Variants in ZFR2 observed in about 807,000 individuals in gnomAD.
ZFR2 encodes the protein zinc finger RNA-binding protein 2.
Under a neutral mutation model 105.7 loss-of-function variants are expected in ZFR2, and 104 were observed. The observed-to-expected ratio is 0.98, with a 90% CI of 0.84 to 1.16. The LOEUF (loss-of-function observed/expected upper bound fraction) is 1.16. ZFR2 is among the 50% of genes most tolerant of loss of function. The pLI is 0.00. For missense variants in ZFR2, 1,425 were observed against 1,355.5 expected (o/e 1.05, Z -0.80); for synonymous variants, 634 against 597.7 (o/e 1.06, Z -0.89).
chr19:3,811,863 T>G (rs1376577849), intron 14 of ZFR2, among the ~76,000 whole-genome samples: 1 of 152,174 alleles, frequency 6.6e-6, no homozygotes, highest in African/African-American at 2.4e-5. Flanking sequence ...TGGGCTCACG[T>G]GATCCTCCTG....
chr19:3,853,149 T>C (rs1599252413), intron 1 of ZFR2, among the ~76,000 whole-genome samples: 1 of 152,048 alleles, frequency 6.6e-6, no homozygotes, highest in Non-Finnish European at 1.5e-5. Flanking sequence ...CAGGCTGGGG[T>C]CCCTGGGGCT....
chr19:3,863,154 G>A (rs567579738), intron 1 of ZFR2, among the ~76,000 whole-genome samples: 37 of 152,230 alleles, frequency 2.4e-4, no homozygotes. Context: ...GAGGGCGAGC[G>A]TGGCGTCTGG....
At chr19:3,827,852 G>A (rs529650069) in intron 5 of ZFR2, among the ~76,000 whole-genome samples, 199 bp from the exon 6 acceptor site, 10 of 152,160 alleles carry the variant, frequency 6.6e-5, no homozygotes, top group Admixed American at 2.0e-4. Context: ...ATGGAGTCTC[G>A]CTCTGTTGCC....
chr19:3,822,728 C>G (rs1465693341), intron 8 of ZFR2, among the ~76,000 whole-genome samples: 2 of 152,046 alleles, frequency 1.3e-5, no homozygotes, highest in Non-Finnish European at 2.9e-5. Context: ...AAAAGAATCC[C>G]AGGCCTACAG....
At chr19:3,835,118 G>A (rs951296374) in intron 1 of ZFR2, 135 bp from the exon 2 acceptor site, 3 of 996,284 alleles carry the variant, frequency 3.0e-6, no homozygotes, top group Admixed American at 2.1e-5. Flanking sequence ...AGGAGCCCAG[G>A]CACGGCCGGA....
At chr19:3,830,400 C>A (rs899376800) in intron 5 of ZFR2, among the ~76,000 whole-genome samples, 1 of 152,196 alleles carries the variant, frequency 6.6e-6, no homozygotes, top group African/African-American at 2.4e-5. Flanking sequence ...TGTACCACTG[C>A]ACCCTAGCCT....
Position 3,831,366 on chromosome 19 carries a change from C to T in ZFR2, c.789G>A (p.Ala263=), listed in dbSNP as rs982114070. The change falls in exon 5 of 19, where the codon GCG becomes GCA. Residue 263 remains alanine (A), a synonymous_variant. Coordinates refer to ENST00000262961, the MANE Select transcript of ZFR2 (RefSeq NM_015174.2). ...PLPSKLPRPK[A]GPRQLQLHYC... is the part of the protein sequence containing the mutation. ...AGTGAAGCTGGAGCTGCCTGGGCCC[C>T]GCCTTGGGTCTCGGCAGCTTGCTGG... 4 of 1,557,064 alleles carry T rather than the reference C, an allele frequency of 2.6e-6. No individual in the cohort carries two copies. Among genetic ancestry groups the T allele is most frequent in the East Asian group, 4.8e-5 (2 of 41,632 alleles).
In ZFR2 at chr19:3,808,938, G is replaced by T; in HGVS notation, c.2479C>A (p.Pro827Thr). 6.4e-7 allele frequency: 1 copy of T among 1,571,404 alleles called. No homozygotes were observed. The highest frequency in any genetic ancestry group is 8.6e-7 in the Non-Finnish European group (1 of 1,160,962). ...CTGACTGCATCCCCGGGGCCCAGGG[G>T]CCCAGCCGCACTGCTCACAGCCTTC... ...VEKAVSSAAG[P>T]LGPGDAVRRV... Residue 827 changes from proline (P) to threonine (T), a missense_variant, in exon 17 of 19, where the codon CCC becomes ACC. By Grantham distance (38) the Pro-to-Thr change is conservative. Coordinates refer to ENST00000262961, the MANE Select transcript of ZFR2 (RefSeq NM_015174.2).
At chr19:3,868,119 C>A (rs1457497468) in intron 1 of ZFR2, among the ~76,000 whole-genome samples, 1 of 138,986 alleles carries the variant, frequency 7.2e-6, no homozygotes, top group Non-Finnish European at 1.6e-5. Flanking sequence ...AATTCTCTCC[C>A]CCTACCAGCA....
At chr19:3,825,650 G>A (rs1443919966) in intron 6 of ZFR2, among the ~76,000 whole-genome samples, 4 of 151,650 alleles carry the variant, frequency 2.6e-5, no homozygotes, top group Admixed American at 1.3e-4. Flanking sequence ...CTCCTCTAGT[G>A]TGTGAGCACG....
At chr19:3,822,854 C>T (rs1003251582) in intron 8 of ZFR2, among the ~76,000 whole-genome samples, 1 of 152,218 alleles carries the variant, frequency 6.6e-6, no homozygotes, top group Non-Finnish European at 1.5e-5. Context: ...CTCCACTGCT[C>T]ACCAGCCTGA....
At chr19:3,867,308 G>GGGA (rs1043580833) in intron 1 of ZFR2, among the ~76,000 whole-genome samples, 5 of 151,488 alleles carry the variant, frequency 3.3e-5, no homozygotes, top group African/African-American at 1.2e-4. Flanking sequence ...AACTGTTGGG[G>GGGA]GGGGAATCTG....
At chr19:3,816,316 G>A (rs1360603017) in intron 13 of ZFR2, among the ~76,000 whole-genome samples, 2 of 146,548 alleles carry the variant, frequency 1.4e-5, no homozygotes, top group Non-Finnish European at 3.0e-5. Flanking sequence ...TGCAATCTCA[G>A]CTCAGTGCAA....
rs546595089 is a variant in ZFR2 at position 3,840,670 on chromosome 19, A to G, written c.54-5687T>C. Among the ~76,000 whole-genome samples the G allele has an allele frequency of 3.5e-4, 54 of 152,256 alleles. No individual in the cohort carries two copies. The South Asian group carries it at 4.2e-3, about 12-fold the overall frequency. ...CTCAGCTTCCCAAGAAGCTGGGACC[A>G]CAGGCATGCACCATCACACAAGGCT... On this transcript the variant is annotated intron_variant, in intron 1 of 18. Transcript: ENST00000262961.
chr19:3,831,391 G>A lies in ZFR2; in HGVS notation c.764C>T (p.Pro255Leu), dbSNP rs1209647673. The A allele has an allele frequency of 1.3e-6, 2 of 1,556,750 alleles. No homozygotes were observed. The highest frequency in any genetic ancestry group is 1.7e-6 in the Non-Finnish European group (2 of 1,152,336). Residue 255 changes from proline (P) to leucine (L), a missense_variant, in exon 5 of 19, where the codon CCC becomes CTC. Transcript: ENST00000262961. ...SPRADSKPPL[P>L]SKLPRPKAGP... ...CGCCTTGGGTCTCGGCAGCTTGCTG[G>A]GAAGCGGTGGCTTCGAGTCGGCCCT...
chr19:3,853,898 A>AC (rs1024888365), intron 1 of ZFR2, among the ~76,000 whole-genome samples: 216 of 150,868 alleles, frequency 1.4e-3, no homozygotes, highest in African/African-American at 4.7e-3. Flanking sequence ...ACACAGTGAG[A>AC]CCCCCGCCTC....
rs146420027 is a variant in ZFR2 at position 3,806,251 on chromosome 19, AG to A, written c.2644-127del. On this transcript the variant is annotated intron_variant, in intron 18 of 18. Coordinates refer to ENST00000262961, the MANE Select transcript of ZFR2 (RefSeq NM_015174.2). ...AGGCCTATCCTGTATCCCTCGAGAT[AG>A]CCCCCGGCCCCCCGCCGCTTTCTTT... The A allele has an allele frequency of 0.01, 10,829 of 1,071,300 alleles. 801 individuals are homozygous for A. The African/African-American group carries it at 0.16, about 16-fold the overall frequency. 66.4% of individuals were successfully genotyped at this position (1,071,300 alleles called of 1,614,324 possible).
intron 12 of ZFR2, among the ~76,000 whole-genome samples, chr19:3,818,439 C>T (rs1471531527): frequency 6.6e-6 from 1 of 152,132 alleles, no homozygotes; most frequent in Admixed American, 6.5e-5. Context: ...GCCCTCCAGC[C>T]TGGGTAACAG....
chr19:3,808,813 G>T, intron 17 of ZFR2, 59 bp downstream of exon 17: 1 of 1,393,162 alleles, frequency 7.2e-7, no homozygotes. Context: ...CCATGGCCAC[G>T]GGCCCTGGTC....
Sources: allele counts gnomAD v4.1 joint callset (sites outside exome capture counted in the v4.1 genomes callset), GRCh38; gene constraint gnomAD v4.1.1; transcripts MANE v1.5; gene names NCBI Gene and HGNC (gene_info 2026-07-23, HGNC 2026-07-21).